Variants in MACF1 observed in about 807,000 individuals in gnomAD.
MACF1 encodes microtubule-actin cross-linking factor 1.
In MACF1, 193 loss-of-function variants were observed where a neutral mutation model predicts 854.8. The observed-to-expected ratio is 0.23, with a 90% confidence interval of 0.20 to 0.25. The LOEUF is 0.25. Among genes scored for constraint, MACF1 ranks in the 10% least tolerant of loss-of-function variants. The probability of loss-of-function intolerance (pLI) is 1.00; values close to 1 mark genes in which losing one functional copy is unlikely to be tolerated. For missense variants in MACF1, 7,722 were observed against 8,929.1 expected, an observed-to-expected ratio of 0.86 and a Z score of 5.45; for synonymous variants, 3,185 against 3,226.7, an observed-to-expected ratio of 0.99 and a Z score of 0.44.
At chr1:39,285,427 C>T in intron 13 of MACF1, 37 bp downstream of exon 13, 1 of 1,602,126 alleles carries the variant, frequency 6.2e-7, no homozygotes, top group South Asian at 1.1e-5. Flanking sequence ...ATCTGTGTCA[C>T]ATGTTTCCTG....
intron 55 of MACF1, among the ~76,000 whole-genome samples, chr1:39,381,138 A>G (rs1341906964): frequency 6.6e-6 from 1 of 151,878 alleles, no homozygotes; most frequent in Non-Finnish European, 1.5e-5. Context: ...GCTCACCGCA[A>G]CCTCCGCCTC....
chr1:39,170,288 G>C (rs1446357995), intron 2 of MACF1, among the ~76,000 whole-genome samples: 2 of 152,118 alleles, frequency 1.3e-5, no homozygotes, highest in Non-Finnish European at 2.9e-5. Flanking sequence ...CTGTTTTATA[G>C]ACATTTCTAT....
At chr1:39,403,960 C>G (rs1174034858) in intron 58 of MACF1, among the ~76,000 whole-genome samples, 1 of 151,844 alleles carries the variant, frequency 6.6e-6, no homozygotes, top group African/African-American at 2.4e-5. Context: ...GAAACCCCAT[C>G]TCTACTAAAA....
chr1:39,249,547 T>A (rs527426998), intron 2 of MACF1, among the ~76,000 whole-genome samples: 36 of 152,192 alleles, frequency 2.4e-4, no homozygotes, highest in Non-Finnish European at 5.0e-4. Flanking sequence ...ATTAGAAATA[T>A]TTGGTGTAAG....
chr1:39,429,264 A>G lies in MACF1; in HGVS notation c.16826A>G (p.Asn5609Ser), dbSNP rs1334383798. Residue 5609 changes from asparagine to serine, a missense_variant, in exon 64 of 101, where the codon AAT becomes AGT. Around this residue, in one of 15 missense-constraint regions of MACF1, gnomAD observed 2,807 missense variants for 3,235.8 expected, o/e 0.87. Coordinates refer to ENST00000564288, the MANE Select transcript of MACF1 (RefSeq NM_001394062.1). ...CAGGCTTTAAATGAAGAAATTGTTAATAGAAAGAAGAATGTAGATCAAGCT... is the reference window on the plus strand; with the variant it reads ...CAGGCTTTAAATGAAGAAATTGTTAGTAGAAAGAAGAATGTAGATCAAGCT... ...DHLALNEEIV[N>S]RKKNVDQAIK... 10 of 1,563,774 alleles carry G rather than the reference A, an allele frequency of 6.4e-6. No homozygotes were observed. Among genetic ancestry groups the G allele is most frequent in the East Asian group, 4.5e-5 (2 of 44,526 alleles).
At chr1:39,242,382 C>G (rs1382158765) in intron 2 of MACF1, among the ~76,000 whole-genome samples, 1 of 151,260 alleles carries the variant, frequency 6.6e-6, no homozygotes, top group East Asian at 1.9e-4. Flanking sequence ...GCAGACCCCT[C>G]CTTGACTTAT....
At chr1:39,197,316 T>G (rs772168516) in intron 2 of MACF1, among the ~76,000 whole-genome samples, 1 of 152,186 alleles carries the variant, frequency 6.6e-6, no homozygotes, top group Non-Finnish European at 1.5e-5. Context: ...AATGACATGT[T>G]TTTATGATCT....
At chr1:39,355,177 T>C (rs572301873) in intron 44 of MACF1, among the ~76,000 whole-genome samples, 19 of 152,300 alleles carry the variant, frequency 1.2e-4, no homozygotes, top group African/African-American at 4.6e-4. Flanking sequence ...TTTTCGAAGG[T>C]CCATTATACT....
intron 97 of MACF1, among the ~76,000 whole-genome samples, chr1:39,469,958 C>T (rs941380235): frequency 9.9e-5 from 15 of 152,100 alleles, no homozygotes; most frequent in African/African-American, 2.9e-4. Flanking sequence ...GCATAGAAAA[C>T]GTAAATAATT....
In MACF1 at chr1:39,336,561, G is replaced by C. The variant is rs772770893; in HGVS notation, c.9973G>C (p.Glu3325Gln). The C allele has an allele frequency of 3.1e-6, 5 of 1,614,150 alleles. No homozygotes were observed. The East Asian group carries it at 1.1e-4, about 36-fold the overall frequency. The change falls in exon 37 of 101, where the codon GAA (glutamate) becomes CAA (glutamine). Residue 3325 changes from glutamate to glutamine, a missense_variant. Transcript: ENST00000564288. ...GAAGACACCACAGGAAAAGCTCAGA[G>C]AAAGCCCTGGCAGTGAACAAACTCC... ...TEKTPQEKLR[E>Q]SPGSEQTPFM... is the part of the protein sequence containing the mutation.
At position 39,138,350 on chromosome 1, in the gene MACF1, G is replaced by A. The variant is rs541565355; in HGVS notation, c.220+53912G>A. Among the ~76,000 whole-genome samples the A allele has an allele frequency of 2.0e-3, 299 of 151,926 alleles. 2 individuals carry two copies. The highest frequency in any genetic ancestry group is 6.9e-3 in the African/African-American group (287 of 41,470). The stretch of plus-strand genomic sequence containing the variant: ...TGTAATCCCAGCACTTTGGGAGGCC[G>A]AGGTGGGCAGATCACAAGGTCAGGA... On this transcript the variant is annotated intron_variant, in intron 2 of 93. Coordinates refer to the MACF1 transcript ENST00000361689.
chr1:39,142,812 G>GT (rs1643373115), intron 2 of MACF1, among the ~76,000 whole-genome samples: 1 of 152,162 alleles, frequency 6.6e-6, no homozygotes, highest in Admixed American at 6.5e-5. Context: ...CAGTAGCCAG[G>GT]TTACCACCTG....
At chr1:39,297,055 C>G (rs1312431103) in intron 20 of MACF1, among the ~76,000 whole-genome samples, 2 of 151,822 alleles carry the variant, frequency 1.3e-5, no homozygotes, top group African/African-American at 2.4e-5. Context: ...TCTCGAATAG[C>G]TGGGACTACA....
At chr1:39,229,701 A>G (rs1265050012) in intron 1 of MACF1, among the ~76,000 whole-genome samples, 2 of 152,002 alleles carry the variant, frequency 1.3e-5, no homozygotes, top group Non-Finnish European at 2.9e-5. Context: ...GAATTGCATA[A>G]CCATGTTGTC....
In MACF1 at chr1:39,300,447, G is replaced by T. The variant is rs909809124; in HGVS notation, c.2634+85G>T. ...TTCAGTTAGGGTTATGATGATAAAA[G>T]ATCAAATTACAGCGTTTTTAAAATT... On this transcript the variant is annotated intron_variant, in intron 22 of 100. Coordinates refer to ENST00000564288, the MANE Select transcript of MACF1 (RefSeq NM_001394062.1). 8.4e-6 allele frequency: 11 copies of T among 1,306,056 alleles called. No homozygotes were observed. The African/African-American group carries it at 1.5e-4, about 18-fold the overall frequency. 80.9% of individuals were successfully genotyped at this position (1,306,056 alleles called of 1,614,324 possible).
chr1:39,256,671 G>C (rs759790305), intron 5 of MACF1, among the ~76,000 whole-genome samples: 1 of 152,162 alleles, frequency 6.6e-6, no homozygotes, highest in Non-Finnish European at 1.5e-5. Context: ...AAATTCCTCC[G>C]TTCCCAGCAC....
chr1:39,253,847 T>C (rs16826012), intron 4 of MACF1, among the ~76,000 whole-genome samples: 19,641 of 152,202 alleles, frequency 0.13, 1,567 homozygotes, highest in East Asian at 0.19. Flanking sequence ...CCTTTTGCCA[T>C]GTTTGTAATA....
upstream of MACF1, among the ~76,000 whole-genome samples, chr1:39,203,402 A>C (rs1162391511): frequency 6.6e-6 from 1 of 152,104 alleles, no homozygotes; most frequent in Non-Finnish European, 1.5e-5. Flanking sequence ...ATGGGGTCCC[A>C]CTGTGTTACT....
intron 6 of MACF1, among the ~76,000 whole-genome samples, chr1:39,264,163 T>C (rs1364073321): frequency 2.6e-5 from 4 of 152,238 alleles, no homozygotes; most frequent in Non-Finnish European, 5.9e-5. Context: ...TTTAATTGTA[T>C]GAATAAAACA....
Sources: gnomAD v4.1 joint callset for allele counts (sites outside exome capture counted in the v4.1 genomes callset) on GRCh38, gnomAD v4.1.1 for gene constraint, gnomAD v4.1.1 regional missense constraint, MANE v1.5 for transcripts, NCBI Gene and HGNC (gene_info 2026-07-23, HGNC 2026-07-21) for gene names.